SETBP1: variants seen among roughly 807,000 people sequenced by gnomAD.
SETBP1 encodes SET-binding protein.
In SETBP1, 9 loss-of-function variants were observed where a neutral mutation model predicts 101.0. The observed-to-expected ratio is 0.09, with a 90% CI of 0.05 to 0.16. The LOEUF (loss-of-function observed/expected upper bound fraction) is 0.16, where lower values mean the gene tolerates loss of function less well. Among genes scored for constraint, SETBP1 ranks in the 10% least tolerant of loss-of-function variants. The pLI, the probability that SETBP1 is intolerant of heterozygous loss-of-function variation, is 1.00. For missense variants in SETBP1, 1,858 were observed against 2,033.8 expected, an observed-to-expected ratio of 0.91 and a Z score of 1.66; for synonymous variants, 818 against 788.5, an observed-to-expected ratio of 1.04 and a Z score of -0.63.
chr18:44,783,916 TG>T (rs2071187555), intron 2 of SETBP1, among the ~76,000 whole-genome samples: 1 of 152,206 alleles, frequency 6.6e-6, no homozygotes, highest in African/African-American at 2.4e-5. Context: ...ATGCCTATAT[TG>T]CAAATTTCTT....
chr18:44,830,239 C>T (rs114586984), intron 2 of SETBP1, among the ~76,000 whole-genome samples: 159 of 152,246 alleles, frequency 1.0e-3, no homozygotes, highest in African/African-American at 3.7e-3. Context: ...ACTAATTTGA[C>T]CATGGGACGT....
At chr18:44,682,373 C>T (rs973907774) in intron 1 of SETBP1, among the ~76,000 whole-genome samples, 16 of 152,072 alleles carry the variant, frequency 1.1e-4, no homozygotes, top group Admixed American at 2.0e-4. Flanking sequence ...CTTTGCACAC[C>T]CCAGCTGGGA....
In SETBP1 at chr18:44,951,149, G is replaced by A; in HGVS notation, c.1809G>A (p.Glu603=). The change falls in exon 4 of 6, where the codon GAG becomes GAA. Residue 603 remains glutamate, a synonymous_variant. Coordinates refer to ENST00000649279, the MANE Select transcript of SETBP1 (RefSeq NM_015559.3). The surrounding 1 kb of genome is among the most constrained non-coding windows in gnomAD (Gnocchi z 7.8). ...QPLLTVETIH[E]GTSTSPVSPI... Reference sequence around the variant, plus strand: ...TGCTCACAGTCGAGACGATTCATGAGGGAACTTCCACCAGCCCCGTCAGTC... The same window carrying A: ...TGCTCACAGTCGAGACGATTCATGAAGGAACTTCCACCAGCCCCGTCAGTC... 7 of 1,614,136 alleles carry A rather than the reference G, an allele frequency of 4.3e-6. No individual in the cohort carries two copies. Among genetic ancestry groups the A allele is most frequent in the Non-Finnish European group, 5.9e-6 (7 of 1,180,042 alleles).
At chr18:44,789,431 A>G (rs991207303) in intron 2 of SETBP1, among the ~76,000 whole-genome samples, 2 of 152,242 alleles carry the variant, frequency 1.3e-5, no homozygotes, top group South Asian at 2.1e-4. Flanking sequence ...AAGTACAAAC[A>G]TGCCCTCTTG....
chr18:44,685,785 T>C (rs1008607423), intron 1 of SETBP1, among the ~76,000 whole-genome samples: 11 of 152,188 alleles, frequency 7.2e-5, no homozygotes, highest in Non-Finnish European at 1.2e-4. Flanking sequence ...CTTGGAATGA[T>C]CAGAAATGCC....
chr18:44,745,932 C>T (rs922359343), intron 2 of SETBP1, among the ~76,000 whole-genome samples: 9 of 152,134 alleles, frequency 5.9e-5, no homozygotes, highest in Non-Finnish European at 1.3e-4. Flanking sequence ...TAGTGGTGAC[C>T]ATCCCTTCTC....
intron 2 of SETBP1, among the ~76,000 whole-genome samples, chr18:44,721,876 A>C (rs1274991426): frequency 6.6e-6 from 1 of 152,230 alleles, no homozygotes; most frequent in African/African-American, 2.4e-5. Context: ...TAAGCAGAGA[A>C]GCTACCTAAG....
chr18:44,830,632 AG>A (rs1254458217), intron 2 of SETBP1, among the ~76,000 whole-genome samples: 3 of 152,202 alleles, frequency 2.0e-5, no homozygotes, highest in South Asian at 2.1e-4. Context: ...ATCAGATGGA[AG>A]CTGGGTGGGA....
intron 3 of SETBP1, among the ~76,000 whole-genome samples, chr18:44,918,918 A>G (rs563573670): frequency 6.6e-6 from 1 of 152,326 alleles, no homozygotes; most frequent in Admixed American, 6.5e-5. Context: ...GAGATATGTC[A>G]ACTTCCAGCA....
At chr18:44,850,397 G>A (rs982702055) in intron 2 of SETBP1, among the ~76,000 whole-genome samples, 3 of 151,268 alleles carry the variant, frequency 2.0e-5, no homozygotes, top group Admixed American at 2.0e-4. Flanking sequence ...TTGAGACAGA[G>A]TCTTGCTCTG....
At chr18:44,933,989 C>A (rs2145007061) in intron 3 of SETBP1, among the ~76,000 whole-genome samples, 1 of 152,244 alleles carries the variant, frequency 6.6e-6, no homozygotes. Context: ...GTTGGAAATG[C>A]AGAAATCACC....
chr18:44,829,817 G>A (rs2072318627), intron 2 of SETBP1, among the ~76,000 whole-genome samples: 1 of 152,170 alleles, frequency 6.6e-6, no homozygotes, highest in Admixed American at 6.5e-5. Flanking sequence ...AGGCCAGATT[G>A]TTGTCAAAGT....
intron 3 of SETBP1, among the ~76,000 whole-genome samples, chr18:44,877,710 T>A (rs2069440803): frequency 6.6e-6 from 1 of 152,172 alleles, no homozygotes; most frequent in Admixed American, 6.5e-5. Flanking sequence ...AATCAACAGT[T>A]TCCTCCCACA....
intron 2 of SETBP1, among the ~76,000 whole-genome samples, chr18:44,747,418 A>C (rs149444508): frequency 6.6e-6 from 1 of 152,394 alleles, no homozygotes; most frequent in East Asian, 1.9e-4. Flanking sequence ...GAAGAAAAAA[A>C]AAATTCTCCT....
At chr18:44,773,836 T>TTCTGTGTGTGTGTGTG (rs1280926160) in intron 2 of SETBP1, among the ~76,000 whole-genome samples, 1 of 36,336 alleles carries the variant, frequency 2.8e-5, no homozygotes. Flanking sequence ...CTCTCTCTGT[T>TTCTGTGTGTGTGTGTG]TATGTGTGTG....
chr18:45,002,046 C>G (rs2072628177), intron 4 of SETBP1, among the ~76,000 whole-genome samples: 1 of 152,166 alleles, frequency 6.6e-6, no homozygotes, highest in African/African-American at 2.4e-5. Context: ...CTGGAAAGCT[C>G]CTTCAGAAAA....
intron 4 of SETBP1, among the ~76,000 whole-genome samples, chr18:44,976,699 C>A (rs1165602862): frequency 6.6e-6 from 1 of 152,206 alleles, no homozygotes; most frequent in Non-Finnish European, 1.5e-5. Flanking sequence ...CTGTCACTCA[C>A]TAGCTGGATG....
rs556429542 is a variant in SETBP1, at chr18:45,041,634, A to G, written c.4171+2979A>G. On this transcript the variant is annotated intron_variant, in intron 5 of 5. Coordinates refer to ENST00000649279, the MANE Select transcript of SETBP1 (RefSeq NM_015559.3). Reference sequence around the variant, plus strand: ...CGTGTATTGAGATAAGAAGGTACTGAAGTAATTCAATTAATTAGAAATTTT... The same window carrying G: ...CGTGTATTGAGATAAGAAGGTACTGGAGTAATTCAATTAATTAGAAATTTT... Among the ~76,000 whole-genome samples the G allele has an allele frequency of 2.0e-5, 3 of 152,298 alleles. No homozygotes were observed. The East Asian group carries it at 5.8e-4, about 29-fold the overall frequency.
intron 3 of SETBP1, among the ~76,000 whole-genome samples, chr18:44,904,425 G>A (rs967981004): frequency 6.6e-6 from 1 of 152,112 alleles, no homozygotes; most frequent in Non-Finnish European, 1.5e-5. Flanking sequence ...TAAGTATAAT[G>A]CAGTGGATTT....
Sources: gnomAD v4.1 joint callset for allele counts (sites outside exome capture counted in the v4.1 genomes callset) on GRCh38, gnomAD v4.1.1 for gene constraint, Gnocchi (gnomAD v3.1) non-coding constraint, MANE v1.5 for transcripts, NCBI Gene and HGNC (gene_info 2026-07-23, HGNC 2026-07-21) for gene names.